FANCI: variants seen among roughly 807,000 people sequenced by gnomAD.
FANCI encodes Fanconi anemia group I protein.
Under a neutral mutation model 176.1 loss-of-function variants are expected in FANCI, and 156 were observed. The observed-to-expected ratio is 0.89, with a 90% CI of 0.78 to 1.01. FANCI has a LOEUF of 1.01. Among genes scored for constraint, FANCI ranks in the 50% least tolerant of loss-of-function variants. The probability of loss-of-function intolerance (pLI) is 0.00; values close to 1 mark genes in which losing one functional copy is unlikely to be tolerated. For synonymous variants in FANCI, 613 were observed against 541.7 expected (o/e 1.13, Z -1.83); for missense variants, 1,678 against 1,534.1 (o/e 1.09, Z -1.57).
rs757018470 is a variant in FANCI, at chr15:89,260,734, C to T, written c.179C>T (p.Ala60Val). The change falls in exon 4 of 38, where the codon GCT (alanine) becomes GTT (valine). Residue 60 changes from alanine (A) to valine (V), a missense_variant. Ala to Val is a moderately conservative substitution (Grantham distance 64, BLOSUM62 0). Coordinates refer to ENST00000310775, the MANE Select transcript of FANCI (RefSeq NM_001113378.2). ...TAAGGTTCCCCCTGCTCTGAGGAAG[C>T]TGGAACACTTAGGAGACGTAAGATA... ...IFKGSPCSEE[A>V]GTLRRRKIYT... The T allele has an allele frequency of 6.2e-7, 1 of 1,613,888 alleles. No individual in the cohort carries two copies. Among genetic ancestry groups the T allele is most frequent in the Non-Finnish European group, 8.5e-7 (1 of 1,179,898 alleles).
Position 89,263,569 on chromosome 15 carries a change from A to G in FANCI, c.545+109A>G, listed in dbSNP as rs141393368. 1.2e-3 allele frequency: 1,159 copies of G among 988,214 alleles called. 19 individuals carry two copies. In the East Asian group the frequency reaches 0.025, roughly 21 times the overall value. The allele number at this position is 988,214 out of a possible 1,614,324, so 61.2% of individuals were successfully genotyped here. The stretch of plus-strand genomic sequence containing the variant: ...ATCACTCTCTCCTGATTGTAAGAAT[A>G]TTAGTAGTTATGTTTTCTGTTACAG... On this transcript the variant is annotated intron_variant, in intron 7 of 37. Transcript: ENST00000310775.
intron 22 of FANCI, 102 bp downstream of exon 22, chr15:89,293,165 G>A (rs1237359351): frequency 1.3e-5 from 16 of 1,249,236 alleles, no homozygotes; most frequent in South Asian, 5.0e-5. Context: ...GACCACAGAC[G>A]ATGACACTGT....
chr15:89,290,491 C>A (rs908108994), intron 19 of FANCI: 2 of 564,858 alleles, frequency 3.5e-6, no homozygotes, highest in African/African-American at 3.8e-5. Flanking sequence ...TAGCAGTTAT[C>A]CTTGTGAATT....
intron 3 of FANCI, among the ~76,000 whole-genome samples, chr15:89,259,705 A>G (rs2052636712): frequency 1.3e-5 from 2 of 152,192 alleles, no homozygotes; most frequent in South Asian, 4.1e-4. Flanking sequence ...TTGTCTCTAC[A>G]GATTTGTCTA....
At chr15:89,252,478 G>A (rs184490402) in intron 2 of FANCI, among the ~76,000 whole-genome samples, 2 of 151,842 alleles carry the variant, frequency 1.3e-5, no homozygotes, top group African/African-American at 2.4e-5. Flanking sequence ...GTTAGCTCAC[G>A]CCTGTAATCC....
chr15:89,299,297 C>G (rs536440229), intron 24 of FANCI, among the ~76,000 whole-genome samples: 15 of 152,158 alleles, frequency 9.9e-5, no homozygotes, highest in Non-Finnish European at 2.1e-4. Flanking sequence ...TAGGTCTATT[C>G]CGTGGTAAAT....
At chr15:89,279,056 C>T (rs569283102) in intron 14 of FANCI, among the ~76,000 whole-genome samples, 1 of 152,222 alleles carries the variant, frequency 6.6e-6, no homozygotes, top group African/African-American at 2.4e-5. Flanking sequence ...TGTCCTGCTG[C>T]TGCCACTCAT....
chr15:89,269,836 A>T (rs1402082881), intron 10 of FANCI, among the ~76,000 whole-genome samples: 1 of 150,846 alleles, frequency 6.6e-6, no homozygotes, highest in East Asian at 1.9e-4. Flanking sequence ...TTTTGGACAG[A>T]GTCTCACTGT....
chr15:89,313,601 G>A (rs1478472131), intron 35 of FANCI, among the ~76,000 whole-genome samples: 1 of 152,268 alleles, frequency 6.6e-6, no homozygotes, highest in African/African-American at 2.4e-5. Flanking sequence ...TGCTGGCAAA[G>A]GTGAAAATTA....
At chr15:89,246,129 A>G (rs1406632764) in intron 1 of FANCI, among the ~76,000 whole-genome samples, 1 of 152,180 alleles carries the variant, frequency 6.6e-6, no homozygotes, top group Non-Finnish European at 1.5e-5. Context: ...CACAGGAGGA[A>G]GAAGAGGAGG....
intron 10 of FANCI, 119 bp downstream of exon 10, chr15:89,268,644 A>G (rs992417467): frequency 8.9e-5 from 110 of 1,229,144 alleles, no homozygotes; most frequent in Non-Finnish European, 1.2e-4. Flanking sequence ...CTGGGTGTGG[A>G]GGATCTCTTT....
chr15:89,291,210 G>A (rs1484949883), intron 19 of FANCI, among the ~76,000 whole-genome samples: 1 of 152,150 alleles, frequency 6.6e-6, no homozygotes, highest in East Asian at 1.9e-4. Context: ...CTTATACAAT[G>A]ATTATTAATA....
At chr15:89,280,939 T>A (rs1335509921) in intron 14 of FANCI, among the ~76,000 whole-genome samples, 2 of 152,346 alleles carry the variant, frequency 1.3e-5, no homozygotes, top group East Asian at 3.9e-4. Context: ...TTCCTTTCTT[T>A]TAGGCAGTTT....
In FANCI at chr15:89,301,362, G is replaced by C; in HGVS notation, c.2926G>C (p.Asp976His). The change falls in exon 27 of 38, where the codon GAT becomes CAT. Residue 976 changes from aspartate (D) to histidine (H), a missense_variant. Asp to His is a moderately conservative substitution (Grantham distance 81). Around this residue, in one of 3 missense-constraint regions of FANCI, gnomAD observed 1,204 missense variants for 1,077.4 expected, o/e 1.12. Transcript: ENST00000310775. Reference sequence around the variant, plus strand: ...GAATTTACTTAGCAGTCAAGAGGAAGATTTTAATAGCAAAGAAGCCCTCCT... The same window carrying C: ...GAATTTACTTAGCAGTCAAGAGGAACATTTTAATAGCAAAGAAGCCCTCCT... Reference protein sequence around the residue: ...LLNLLSSQEEDFNSKEALLLV... With the variant: ...LLNLLSSQEEHFNSKEALLLV... 1 of 1,614,116 alleles carries C rather than the reference G, an allele frequency of 6.2e-7. No homozygotes were observed. The highest frequency in any genetic ancestry group is 8.5e-7 in the Non-Finnish European group (1 of 1,179,998).
chr15:89,291,827 G>A, intron 20 of FANCI, 113 bp downstream of exon 20: 1 of 864,902 alleles, frequency 1.2e-6, no homozygotes. Flanking sequence ...TCCAATGAAT[G>A]TTTACTTTTA....
chr15:89,286,382 A>T (rs1004776897), intron 18 of FANCI, among the ~76,000 whole-genome samples: 3 of 152,224 alleles, frequency 2.0e-5, no homozygotes, highest in Non-Finnish European at 4.4e-5. Context: ...ACTAGTTATT[A>T]TGACAGTACA....
intron 21 of FANCI, 39 bp downstream of exon 21, chr15:89,292,903 T>A: frequency 6.2e-7 from 1 of 1,614,100 alleles, no homozygotes; most frequent in Non-Finnish European, 8.5e-7. Context: ...ATGATGGAGT[T>A]CTTTAGTAGC....
In FANCI at chr15:89,274,732, G is replaced by A. The variant is rs28372511; in HGVS notation, c.1112+428G>A. On this transcript the variant is annotated intron_variant, in intron 12 of 37. Coordinates refer to ENST00000310775, the MANE Select transcript of FANCI (RefSeq NM_001113378.2). ...CAATCCTCCCACCTGAACCTCTCGA[G>A]TACCTGGTATTACAGGCATGCTCCA... Among the ~76,000 whole-genome samples, 704 of 149,200 alleles carry A rather than the reference G, an allele frequency of 4.7e-3. 6 individuals are homozygous for A. Among genetic ancestry groups the A allele is most frequent in the African/African-American group, 0.016 (637 of 40,662 alleles).
chr15:89,282,811 A>G (rs2053665653), intron 16 of FANCI: 1 of 359,968 alleles, frequency 2.8e-6, no homozygotes, highest in Non-Finnish European at 5.3e-6. Flanking sequence ...ACATGGCAAA[A>G]TCAGCAATTT....
Sources: allele counts gnomAD v4.1 joint callset (sites outside exome capture counted in the v4.1 genomes callset), GRCh38; gene constraint gnomAD v4.1.1; regional missense constraint gnomAD v4.1.1; transcripts MANE v1.5; gene names NCBI Gene and HGNC (gene_info 2026-07-23, HGNC 2026-07-21).